Variants in ENOX2 observed in about 807,000 individuals in gnomAD.
The protein encoded by ENOX2 is ecto-NOX disulfide-thiol exchanger 2.
A neutral mutation model predicts 45.0 loss-of-function variants in ENOX2; 36 were observed. The observed-to-expected ratio is 0.80, with a 90% confidence interval of 0.61 to 1.06. The LOEUF (loss-of-function observed/expected upper bound fraction) is 1.06. Ranked by LOEUF, ENOX2 falls within the 50% of genes least tolerant of loss-of-function variation. ENOX2 has a pLI of 0.00. For synonymous variants in ENOX2, 174 were observed against 152.3 expected (o/e 1.14, Z -1.05); for missense variants, 423 against 462.5 (o/e 0.91, Z 0.78).
At chrX:130,835,298 T>C (rs756114250) in intron 2 of ENOX2, among the ~76,000 whole-genome samples, 1 of 111,629 alleles carries the variant, frequency 9.0e-6, no homozygotes, top group Non-Finnish European at 1.9e-5. Context: ...CAAGGCAGTT[T>C]ACAAAGTACT....
chrX:130,741,400 C>T (rs1315136721), intron 3 of ENOX2, among the ~76,000 whole-genome samples: 1 of 111,478 alleles, frequency 9.0e-6, no homozygotes, highest in African/African-American at 3.3e-5. Context: ...TCCACTTGAC[C>T]CTCTGAGCTC....
intron 7 of ENOX2, among the ~76,000 whole-genome samples, chrX:130,669,146 G>C (rs761244258): frequency 5.3e-4 from 59 of 112,027 alleles, no homozygotes; most frequent in Non-Finnish European, 9.8e-4. Flanking sequence ...ACAAGAAGCA[G>C]GGAAAATTCA....
chrX:130,824,174 G>A (rs1000358356), intron 2 of ENOX2, among the ~76,000 whole-genome samples: 6 of 111,225 alleles, frequency 5.4e-5, no homozygotes, highest in East Asian at 2.8e-4. Flanking sequence ...GAAATATACC[G>A]AATTATTTAC....
intron 2 of ENOX2, among the ~76,000 whole-genome samples, chrX:130,891,760 G>T (rs146741555): frequency 5.8e-4 from 64 of 110,765 alleles, no homozygotes; most frequent in African/African-American, 1.7e-3. Flanking sequence ...AGAATTAAAG[G>T]AATAGTTCTT....
intron 3 of ENOX2, among the ~76,000 whole-genome samples, chrX:130,780,643 G>A (rs1442149750): frequency 9.0e-6 from 1 of 111,423 alleles, no homozygotes; most frequent in Non-Finnish European, 1.9e-5. Context: ...AGGTGGTTGC[G>A]ACCTGCCAAA....
chrX:130,667,102 C>G (rs1242632173), intron 8 of ENOX2, among the ~76,000 whole-genome samples: 1 of 111,846 alleles, frequency 8.9e-6, no homozygotes, highest in Non-Finnish European at 1.9e-5. Context: ...TATCCAATCA[C>G]CTTGGGAAAT....
chrX:130,649,043 CAAAAAAAAAAAAAAAAAAAA>C (rs35154919), intron 10 of ENOX2, among the ~76,000 whole-genome samples: 1 of 6,792 alleles, frequency 1.5e-4, no homozygotes, highest in African/African-American at 3.1e-4. Flanking sequence ...GACTCCATAT[CAAAAAAAAAAAAAAAAAAAA>C]AAAAAAAAAA....
chrX:130,786,820 TG>T (rs1387815531), intron 2 of ENOX2, among the ~76,000 whole-genome samples: 2 of 70,863 alleles, frequency 2.8e-5, no homozygotes, highest in African/African-American at 5.5e-5. Flanking sequence ...ACATTTGGGT[TG>T]GTTCCAAGTC....
At chrX:130,760,458 A>G (rs1194811917) in intron 3 of ENOX2, among the ~76,000 whole-genome samples, 1 of 110,735 alleles carries the variant, frequency 9.0e-6, no homozygotes, top group Non-Finnish European at 1.9e-5. Flanking sequence ...TCACAGGTAC[A>G]TACAATGTTA....
chrX:130,754,820 T>A (rs745477766), intron 3 of ENOX2, among the ~76,000 whole-genome samples: 48 of 111,303 alleles, frequency 4.3e-4, no homozygotes, highest in African/African-American at 1.2e-3. Flanking sequence ...AACAGGATCA[T>A]TAGAGGCCCA....
chrX:130,635,130 C>T (rs769844416), intron 11 of ENOX2, 39 bp from the exon 12 acceptor site: 15 of 775,498 alleles, frequency 1.9e-5, no homozygotes, highest in Non-Finnish European at 2.1e-5. Context: ...TTATGAATTA[C>T]GGAGCCACAC....
intron 2 of ENOX2, among the ~76,000 whole-genome samples, chrX:130,820,698 T>A (rs1405918804): frequency 8.9e-6 from 1 of 112,592 alleles, no homozygotes; most frequent in Non-Finnish European, 1.9e-5. Flanking sequence ...TTAAGTGAAA[T>A]AAGCCAGGCA....
chrX:130,633,388 T>C (rs1340475197), intron 12 of ENOX2, among the ~76,000 whole-genome samples: 1 of 112,531 alleles, frequency 8.9e-6, no homozygotes, highest in Non-Finnish European at 1.9e-5. Context: ...CAAATCAGCT[T>C]CCCAGAGAAG....
rs751927966 is a variant in ENOX2, at chrX:130,792,367, CT to C, written c.-182-8678del. ...AAAATCCCATGACATGAGTTTACCCCTATAACAAACCTGCACATGTACCGCT... is the reference window on the plus strand; with the variant it reads ...AAAATCCCATGACATGAGTTTACCCCATAACAAACCTGCACATGTACCGCT... On this transcript the variant is annotated intron_variant, in intron 2 of 14. Coordinates refer to ENST00000394363, the MANE Select transcript of ENOX2 (RefSeq NM_006375.4). Among the ~76,000 whole-genome samples, 3 of 112,027 alleles carry C rather than the reference CT, an allele frequency of 2.7e-5. No homozygotes were observed. The East Asian group carries it at 8.4e-4, about 31-fold the overall frequency.
At chrX:130,848,025 G>T (rs971643941) in intron 2 of ENOX2, among the ~76,000 whole-genome samples, 5 of 111,661 alleles carry the variant, frequency 4.5e-5, no homozygotes, top group Admixed American at 9.5e-5. Flanking sequence ...TTTTTTTGTT[G>T]TTGTTTTTGT....
intron 10 of ENOX2, among the ~76,000 whole-genome samples, chrX:130,644,510 T>G (rs903443351): frequency 8.9e-6 from 1 of 112,094 alleles, no homozygotes; most frequent in Non-Finnish European, 1.9e-5. Context: ...AGTAAGTGAA[T>G]GGATAAATAA....
In ENOX2 at chrX:130,825,925, C is replaced by T. The variant is rs541760473; in HGVS notation, c.-182-42235G>A. The stretch of plus-strand genomic sequence containing the variant: ...ATTACAGTATATTGTTATAGTTGTT[C>T]TATTTTATTATTGGTTATTGTTGTT... On this transcript the variant is annotated intron_variant, in intron 2 of 14. Transcript: ENST00000394363. 4.5e-5 allele frequency among the ~76,000 whole-genome samples: 5 copies of T among 110,703 alleles called. No homozygotes were observed. The South Asian group carries it at 1.5e-3, about 34-fold the overall frequency.
At chrX:130,883,324 T>C (rs1484056484) in intron 2 of ENOX2, among the ~76,000 whole-genome samples, 2 of 111,359 alleles carry the variant, frequency 1.8e-5, no homozygotes, top group Non-Finnish European at 3.8e-5. Flanking sequence ...TTGGCCACGC[T>C]GGACTCGAAC....
chrX:130,718,065 TTC>T (rs897213323), intron 3 of ENOX2, among the ~76,000 whole-genome samples: 3 of 110,664 alleles, frequency 2.7e-5, no homozygotes, highest in Non-Finnish European at 3.8e-5. Flanking sequence ...CTCTTCCTCC[TTC>T]TCTCTCTCTT....
Sources: allele counts gnomAD v4.1 joint callset (sites outside exome capture counted in the v4.1 genomes callset), GRCh38; gene constraint gnomAD v4.1.1; transcripts MANE v1.5; gene names NCBI Gene and HGNC (gene_info 2026-07-23, HGNC 2026-07-21).